ITGA9: variants seen among roughly 807,000 people sequenced by gnomAD.
The protein encoded by ITGA9 is integrin subunit alpha 9.
ITGA9 carries 56 observed loss-of-function variants against 127.8 expected under a neutral mutation model. That is an observed-to-expected ratio of 0.44 (90% CI 0.35 to 0.55). ITGA9 has a LOEUF of 0.55. ITGA9 is among the 20% of genes least tolerant of loss of function. The pLI, the probability that ITGA9 is intolerant of heterozygous loss-of-function variation, is 0.00. For synonymous variants in ITGA9, 508 were observed against 514.5 expected (o/e 0.99, Z 0.17); for missense variants, 1,196 against 1,347.1 (o/e 0.89, Z 1.76).
intron 16 of ITGA9, among the ~76,000 whole-genome samples, chr3:37,635,788 A>ACCC (rs1700272009): frequency 1.0e-5 from 1 of 99,484 alleles, no homozygotes; most frequent in African/African-American, 4.0e-5. Flanking sequence ...CCCTCCCCCA[A>ACCC]CCCCACAACC....
Position 37,748,250 on chromosome 3 carries a change from C to T in ITGA9, c.2434-2212C>T, listed in dbSNP as rs187892432. The T allele has an allele frequency of 2.9e-3, 1,436 of 490,446 alleles. 9 individuals carry two copies. Among genetic ancestry groups the T allele is most frequent in the Middle Eastern group, 8.1e-3 (22 of 2,718 alleles). The allele number at this position is 490,446 out of a possible 1,614,324, so 30.4% of individuals were successfully genotyped here. Reference sequence around the variant, plus strand: ...ATTATAGACATCAAGGGAATGGGTACTGTTCAAAAAGGAAGGCCCCGCAAG... The same window carrying T: ...ATTATAGACATCAAGGGAATGGGTATTGTTCAAAAAGGAAGGCCCCGCAAG... On this transcript the variant is annotated intron_variant, in intron 22 of 27. Transcript: ENST00000264741.
chr3:37,786,833 TTTTG>T (rs753199438), intron 26 of ITGA9, among the ~76,000 whole-genome samples: 14 of 152,272 alleles, frequency 9.2e-5, no homozygotes, highest in South Asian at 6.2e-4. Context: ...CAAGCACTAT[TTTTG>T]TTTGTTTGTT....
At chr3:37,801,692 C>T (rs1445974565) in intron 26 of ITGA9, among the ~76,000 whole-genome samples, 1 of 152,050 alleles carries the variant, frequency 6.6e-6, no homozygotes, top group Non-Finnish European at 1.5e-5. Flanking sequence ...AAAAAAACTC[C>T]CTACAATGAT....
At chr3:37,649,709 A>G (rs1453746877) in intron 16 of ITGA9, among the ~76,000 whole-genome samples, 3 of 152,226 alleles carry the variant, frequency 2.0e-5, no homozygotes, top group Non-Finnish European at 4.4e-5. Flanking sequence ...GACCTGTGTA[A>G]CAAATGGACC....
At position 37,819,002 on chromosome 3, in the gene ITGA9, G is replaced by A; in HGVS notation, c.*13G>A. The A allele has an allele frequency of 6.4e-7, 1 of 1,553,546 alleles. No individual in the cohort carries two copies. ...GAAAAACCAGTGAGCTGCCACACCA[G>A]TCACATGACCTGATCACTAGCCTGT... On this transcript the variant is annotated 3_prime_UTR_variant, in exon 28 of 28. Coordinates refer to ENST00000264741, the MANE Select transcript of ITGA9 (RefSeq NM_002207.3).
chr3:37,771,928 C>T (rs1289099151), intron 23 of ITGA9, among the ~76,000 whole-genome samples: 1 of 152,156 alleles, frequency 6.6e-6, no homozygotes, highest in Non-Finnish European at 1.5e-5. Flanking sequence ...CTCTACTCCT[C>T]TGTGACTCCT....
chr3:37,560,674 G>T (rs1158516153), intron 15 of ITGA9, among the ~76,000 whole-genome samples: 1 of 152,062 alleles, frequency 6.6e-6, no homozygotes, highest in African/African-American at 2.4e-5. Context: ...TCTCATTGTG[G>T]TTTTGATTTG....
Position 37,556,793 on chromosome 3 carries a change from G to T in ITGA9, c.1689+14208G>T, listed in dbSNP as rs56012922. ...TATCAGAAGCAAGTGGGCCTCGGAG[G>T]GGCCAGATGCCTCTCTCCTCACACT... On this transcript the variant is annotated intron_variant, in intron 15 of 27. Coordinates refer to ENST00000264741, the MANE Select transcript of ITGA9 (RefSeq NM_002207.3). Among the ~76,000 whole-genome samples the T allele has an allele frequency of 2.4e-3, 368 of 152,310 alleles. 3 individuals carry two copies. Among genetic ancestry groups the T allele is most frequent in the African/African-American group, 8.3e-3 (343 of 41,566 alleles).
chr3:37,568,522 CA>C (rs970478725), intron 15 of ITGA9, among the ~76,000 whole-genome samples: 5 of 152,326 alleles, frequency 3.3e-5, no homozygotes, highest in African/African-American at 1.2e-4. Context: ...TGTCAGGCCA[CA>C]AATTTTCCAA....
At chr3:37,483,684 G>T (rs1434181850) in intron 4 of ITGA9, among the ~76,000 whole-genome samples, 1 of 152,216 alleles carries the variant, frequency 6.6e-6, no homozygotes, top group Admixed American at 6.5e-5. Context: ...ATGTGTGTGG[G>T]CTGGGAAAGC....
chr3:37,744,063 C>A, intron 22 of ITGA9, 29 bp downstream of exon 22: 1 of 1,445,514 alleles, frequency 6.9e-7, no homozygotes, highest in Non-Finnish European at 9.7e-7. Context: ...CTCCTCTGTC[C>A]GTGGGGGCTA....
In ITGA9 at chr3:37,606,464, G is replaced by A. The variant is rs115895760; in HGVS notation, c.1690-22723G>A. On this transcript the variant is annotated intron_variant, in intron 15 of 27. Coordinates refer to ENST00000264741, the MANE Select transcript of ITGA9 (RefSeq NM_002207.3). The stretch of plus-strand genomic sequence containing the variant: ...ATTATGAGTCATTTAAATTTAAAGA[G>A]CACAGCTGTATTGGACAGCACAGCT... Among the ~76,000 whole-genome samples, 228 of 152,232 alleles carry A rather than the reference G, an allele frequency of 1.5e-3. 1 individual carries two copies. The highest frequency in any genetic ancestry group is 5.2e-3 in the African/African-American group (216 of 41,534).
chr3:37,619,254 T>TAGGGTGA (rs1428872344), intron 15 of ITGA9, among the ~76,000 whole-genome samples: 1 of 152,176 alleles, frequency 6.6e-6, no homozygotes, highest in East Asian at 1.9e-4. Context: ...CCTGGAGTGC[T>TAGGGTGA]AGGGTGACCC....
intron 23 of ITGA9, among the ~76,000 whole-genome samples, chr3:37,756,456 T>C (rs1696653797): frequency 6.6e-6 from 1 of 152,142 alleles, no homozygotes; most frequent in Admixed American, 6.5e-5. Context: ...AAATAATGAG[T>C]ATTTGAATAA....
chr3:37,816,540 A>T (rs1310365852), intron 27 of ITGA9, among the ~76,000 whole-genome samples: 1 of 152,184 alleles, frequency 6.6e-6, no homozygotes, highest in Non-Finnish European at 1.5e-5. Flanking sequence ...TTCAAGCAGT[A>T]GCTTCTTAGA....
chr3:37,617,053 A>G (rs1700082023), intron 15 of ITGA9, among the ~76,000 whole-genome samples: 1 of 152,210 alleles, frequency 6.6e-6, no homozygotes, highest in Admixed American at 6.5e-5. Flanking sequence ...GTTTCTTCCT[A>G]GCCTTGATGG....
rs764615173 is a variant in ITGA9 at position 37,803,865 on chromosome 3, G to A, written c.2932G>A (p.Val978Ile). 53 of 1,614,054 alleles carry A rather than the reference G, an allele frequency of 3.3e-5. No homozygotes were observed. Among genetic ancestry groups the A allele is most frequent in the African/African-American group, 6.7e-5 (5 of 74,920 alleles). ...ALHNLEPRGY[V>I]VGWIIAISLL... ...GCACAATCTGGAGCCCCGTGGCTAC[G>A]TCGTGGGGTGGATCATCGCCATCAG... The change falls in exon 27 of 28, where the codon GTC becomes ATC. Residue 978 changes from valine to isoleucine, a missense_variant. Transcript: ENST00000264741.
At chr3:37,589,205 C>T (rs1020876674) in intron 15 of ITGA9, among the ~76,000 whole-genome samples, 71 of 152,162 alleles carry the variant, frequency 4.7e-4, no homozygotes, top group Non-Finnish European at 1.0e-4. Context: ...GGAACATCAG[C>T]GAATTGTAGC....
intron 26 of ITGA9, among the ~76,000 whole-genome samples, chr3:37,791,291 A>G (rs935672741): frequency 2.0e-5 from 3 of 152,240 alleles, no homozygotes; most frequent in Admixed American, 6.5e-5. Flanking sequence ...AAATAGCAGA[A>G]TACATGATAA....
Sources: allele counts gnomAD v4.1 joint callset (sites outside exome capture counted in the v4.1 genomes callset), GRCh38; gene constraint gnomAD v4.1.1; transcripts MANE v1.5; gene names NCBI Gene and HGNC (gene_info 2026-07-23, HGNC 2026-07-21).